Variants in BTBD6 observed in about 807,000 individuals in gnomAD.
BTBD6 encodes BTB/POZ domain-containing protein 6.
Under a neutral mutation model 40.6 loss-of-function variants are expected in BTBD6, and 30 were observed. The observed-to-expected ratio is 0.74, with a 90% CI of 0.55 to 1.00. The LOEUF is 1.00. Ranked by LOEUF, BTBD6 falls within the 50% of genes least tolerant of loss-of-function variation. The pLI is 0.00. For synonymous variants in BTBD6, 378 were observed against 308.7 expected, an observed-to-expected ratio of 1.22 and a Z score of -2.35; for missense variants, 698 against 694.6, an observed-to-expected ratio of 1.00 and a Z score of -0.06.
Position 105,250,170 on chromosome 14 carries a change from A to C in BTBD6, c.1115A>C (p.Asn372Thr). ...HSIFLWYTATNKPRLDFPLTK... is the reference protein window; with the variant it reads ...HSIFLWYTATTKPRLDFPLTK... ...ATCTTCCTGTGGTACACGGCCACCA[A>C]CAAGCCCCGCCTGGACTTTCCCCTG... The change falls in exon 4 of 4, where the codon AAC becomes ACC. Residue 372 changes from asparagine to threonine, a missense_variant. Physicochemically the swap from Asn to Thr is moderately conservative, Grantham distance 65. Coordinates refer to ENST00000392554, the MANE Select transcript of BTBD6 (RefSeq NM_001387567.1). 13 of 1,612,956 alleles carry C rather than the reference A, an allele frequency of 8.1e-6. No homozygotes were observed. The highest frequency in any genetic ancestry group is 1.7e-4 in the Middle Eastern group (1 of 6,056).
In BTBD6 at chr14:105,250,457, C is replaced by T. The variant is rs1202066535; in HGVS notation, c.1402C>T (p.Pro468Ser). The change falls in exon 4 of 4, where the codon CCG (proline) becomes TCG (serine). Residue 468 changes from proline (P) to serine (S), a missense_variant. Physicochemically the swap from Pro to Ser is moderately conservative, Grantham distance 74. Coordinates refer to ENST00000392554, the MANE Select transcript of BTBD6 (RefSeq NM_001387567.1). ...GTCAGACGGATCCAGTAACACCTTC[C>T]CGGTCTGGTTTGAACACCCGGTCCA... ...FMSDGSSNTF[P>S]VWFEHPVQVE... 4.3e-6 allele frequency: 7 copies of T among 1,613,902 alleles called. No homozygotes were observed. The Admixed American group carries it at 1.2e-4, about 27-fold the overall frequency.
In BTBD6 at chr14:105,248,888, C is replaced by T. The variant is rs2055357130; in HGVS notation, c.177C>T (p.Tyr59=). 2.0e-6 allele frequency: 2 copies of T among 988,078 alleles called. No individual in the cohort carries two copies. The highest frequency in any genetic ancestry group is 1.8e-5 in the African/African-American group (1 of 56,560). The allele number at this position is 988,078 out of a possible 1,614,324, so 61.2% of individuals were successfully genotyped here. Residue 59 remains tyrosine (Y), a synonymous_variant, in exon 1 of 4, where the codon TAC becomes TAT. Transcript: ENST00000392554. ...APPAKMAAEL[Y]APASAAAADL... ...CCGCGAAGATGGCGGCGGAACTCTA[C>T]GCTCCCGCCAGCGCCGCGGCCGCGG...
In BTBD6 at chr14:105,250,870, G is replaced by C. The variant is rs2055566853; in HGVS notation, c.*198G>C. The C allele has an allele frequency of 1.6e-6, 1 of 628,230 alleles. No homozygotes were observed. Among genetic ancestry groups the C allele is most frequent in the East Asian group, 2.8e-5 (1 of 35,272 alleles). 38.9% of individuals were successfully genotyped at this position (628,230 alleles called of 1,614,324 possible). On this transcript the variant is annotated 3_prime_UTR_variant, in exon 4 of 4. Transcript: ENST00000392554. ...GAGTCTTAGGCATCTCTGGTACAGT[G>C]GGGTGCACGTCTCAGGTGGAGGAAG...
In BTBD6 at chr14:105,250,737, T is replaced by G. The variant is rs1237436798; in HGVS notation, c.*65T>G. ...AGGGGAAGTCAAGATGCTAACTGCT[T>G]CTTGACACCATGAAAGGCTGCTCTT... is the stretch of plus-strand genomic sequence containing the variant. On this transcript the variant is annotated 3_prime_UTR_variant, in exon 4 of 4. Coordinates refer to ENST00000392554, the MANE Select transcript of BTBD6 (RefSeq NM_001387567.1). The G allele has an allele frequency of 2.7e-6, 4 of 1,478,656 alleles. No homozygotes were observed. The highest frequency in any genetic ancestry group is 2.8e-5 in the African/African-American group (2 of 71,460). 91.6% of individuals were successfully genotyped at this position (1,478,656 alleles called of 1,614,324 possible).
rs755566101 is a variant in BTBD6, at chr14:105,249,410, C to G, written c.516C>G (p.Asp172Glu). ...SSVFYAMFYGDLAEVKSEIHI... is the reference protein window; with the variant it reads ...SSVFYAMFYGELAEVKSEIHI... Reference sequence around the variant, plus strand: ...TCTTCTATGCCATGTTCTACGGAGACCTGGCGGAAGTCAAATCTGAAATTC... The same window carrying G: ...TCTTCTATGCCATGTTCTACGGAGAGCTGGCGGAAGTCAAATCTGAAATTC... Residue 172 changes from aspartate (D) to glutamate (E), a missense_variant, in exon 3 of 4, where the codon GAC (aspartate) becomes GAG (glutamate). Physicochemically the swap from Asp to Glu is conservative, Grantham distance 45 (BLOSUM62 2). Transcript: ENST00000392554. The G allele has an allele frequency of 1.2e-6, 2 of 1,613,564 alleles. No homozygotes were observed. The highest frequency in any genetic ancestry group is 2.2e-5 in the South Asian group (2 of 91,056).
chr14:105,249,503 A>G, intron 3 of BTBD6, 25 bp downstream of exon 3: 2 of 1,455,194 alleles, frequency 1.4e-6, no homozygotes, highest in Non-Finnish European at 1.9e-6. Flanking sequence ...CTGGGGAGGG[A>G]CGGGTGGGTC....
At position 105,249,026 on chromosome 14, in the gene BTBD6, CGG is replaced by C; in HGVS notation, c.316_317del (p.Gly106GlnfsTer73). 2.5e-6 allele frequency: 3 copies of C among 1,176,680 alleles called. No individual in the cohort carries two copies. The highest frequency in any genetic ancestry group is 3.1e-6 in the Non-Finnish European group (3 of 955,248). 72.9% of individuals were successfully genotyped at this position (1,176,680 alleles called of 1,614,324 possible). A position where few individuals can be genotyped will look rare whatever the true frequency, so the allele number is the denominator to read the frequency against. The part of the protein sequence containing the change: ...PPPAPAPPTL[G>X]NNHQESPGWR... ...CGCCCGCGCCCGCGCCGCCCACACT[CGG>C]CAACAACCACCAGGAGAGCCCCGGC... On this transcript the variant is annotated frameshift_variant, in exon 1 of 4. Coordinates refer to ENST00000392554, the MANE Select transcript of BTBD6 (RefSeq NM_001387567.1). LOFTEE classifies it high-confidence loss of function.
Position 105,248,987 on chromosome 14 carries a change from G to A in BTBD6, c.276G>A (p.Ala92=), listed in dbSNP as rs2055369154. 1 of 988,314 alleles carries A rather than the reference G, an allele frequency of 1.0e-6. No individual in the cohort carries two copies. The highest frequency in any genetic ancestry group is 1.2e-6 in the Non-Finnish European group (1 of 833,872). The allele number at this position is 988,314 out of a possible 1,614,324, so 61.2% of individuals were successfully genotyped here. ...CGCGCAGCCCGCCCAGCGCCCCCGC[G>A]CCAGCGCCGCCGCCGCCCGCGCCCG... ...AGPRSPPSAP[A]PAPPPPAPAP... The change falls in exon 1 of 4, where the codon GCG becomes GCA. Residue 92 remains alanine, a synonymous_variant. Coordinates refer to ENST00000392554, the MANE Select transcript of BTBD6 (RefSeq NM_001387567.1).
At position 105,249,650 on chromosome 14, in the gene BTBD6, A is replaced by C. The variant is rs765958760; in HGVS notation, c.595A>C (p.Ser199Arg). 3.7e-6 allele frequency: 6 copies of C among 1,611,884 alleles called. No individual in the cohort carries two copies. The East Asian group carries it at 1.3e-4, about 36-fold the overall frequency. ...AFLILLKYMY[S>R]DEIDLEADTV... The stretch of plus-strand genomic sequence containing the variant: ...CCCTGCCTCGCCTAGGTACATGTAC[A>C]GTGATGAGATCGATCTGGAAGCCGA... The change falls in exon 4 of 4, where the codon AGT becomes CGT. Residue 199 changes from serine (S) to arginine (R), a missense_variant. Coordinates refer to ENST00000392554, the MANE Select transcript of BTBD6 (RefSeq NM_001387567.1).
At chr14:105,249,298 C>A in intron 2 of BTBD6, 51 bp downstream of exon 2, 1 of 1,579,002 alleles carries the variant, frequency 6.3e-7, no homozygotes, top group East Asian at 2.3e-5. Flanking sequence ...GCCCCGTCCG[C>A]CGTGTGGCTG....
At position 105,250,577 on chromosome 14, in the gene BTBD6, G is replaced by A; in HGVS notation, c.1522G>A (p.Gly508Arg). Residue 508 changes from glycine (G) to arginine (R), a missense_variant, in exon 4 of 4, where the codon GGA (glycine) becomes AGA (arginine). Transcript: ENST00000392554. ...GGAGGGGATGACGGAAGTGCAGTGT[G>A]GAAAGGTGGCCTTCCAGTTCCAGTG... ...GQEGMTEVQC[G>R]KVAFQFQCSS... is the part of the protein sequence containing the mutation. The A allele has an allele frequency of 6.2e-7, 1 of 1,614,122 alleles. No homozygotes were observed. Among genetic ancestry groups the A allele is most frequent in the East Asian group, 2.2e-5 (1 of 44,890 alleles).
In BTBD6 at chr14:105,250,862, G is replaced by A; in HGVS notation, c.*190G>A. The A allele has an allele frequency of 6.2e-6, 4 of 642,158 alleles. No homozygotes were observed. Among genetic ancestry groups the A allele is most frequent in the South Asian group, 6.1e-5 (3 of 49,566 alleles). The allele number at this position is 642,158 out of a possible 1,614,324, so 39.8% of individuals were successfully genotyped here. On this transcript the variant is annotated 3_prime_UTR_variant, in exon 4 of 4. Transcript: ENST00000392554. Reference sequence around the variant, plus strand: ...AGGGATTGGAGTCTTAGGCATCTCTGGTACAGTGGGGTGCACGTCTCAGGT... The same window carrying A: ...AGGGATTGGAGTCTTAGGCATCTCTAGTACAGTGGGGTGCACGTCTCAGGT...
rs752728636 is a variant in BTBD6 at position 105,249,823 on chromosome 14, G to A, written c.768G>A (p.Leu256=). 1 of 1,613,566 alleles carries A rather than the reference G, an allele frequency of 6.2e-7. No homozygotes were observed. Among genetic ancestry groups the A allele is most frequent in the Non-Finnish European group, 8.5e-7 (1 of 1,180,044 alleles). ...SQSRLFEEPE[L]TQRCWEVIDA... ...GCCGGCTGTTTGAGGAGCCCGAGCT[G>A]ACGCAGCGCTGCTGGGAGGTCATTG... The change falls in exon 4 of 4, where the codon CTG becomes CTA. Residue 256 remains leucine, a synonymous_variant. Coordinates refer to ENST00000392554, the MANE Select transcript of BTBD6 (RefSeq NM_001387567.1).
chr14:105,248,886 T>C lies in BTBD6; in HGVS notation c.175T>C (p.Tyr59His). ...GCCCGCGAAGATGGCGGCGGAACTC[T>C]ACGCTCCCGCCAGCGCCGCGGCCGC... ...APPAKMAAEL[Y>H]APASAAAADL... Residue 59 changes from tyrosine to histidine, a missense_variant, in exon 1 of 4, where the codon TAC (tyrosine) becomes CAC (histidine). Coordinates refer to ENST00000392554, the MANE Select transcript of BTBD6 (RefSeq NM_001387567.1). 2.0e-6 allele frequency: 2 copies of C among 985,788 alleles called. No homozygotes were observed. Among genetic ancestry groups the C allele is most frequent in the Non-Finnish European group, 2.4e-6 (2 of 832,492 alleles). The allele number at this position is 985,788 out of a possible 1,614,324, so 61.1% of individuals were successfully genotyped here.
chr14:105,249,296 C>T (rs1226382054), intron 2 of BTBD6, 49 bp downstream of exon 2: 1 of 1,575,790 alleles, frequency 6.3e-7, no homozygotes, highest in Non-Finnish European at 8.6e-7. Context: ...CCGCCCCGTC[C>T]GCCGTGTGGC....
chr14:105,248,865 G>C lies in BTBD6; in HGVS notation c.154G>C (p.Ala52Pro). The change falls in exon 1 of 4, where the codon GCG becomes CCG. Residue 52 changes from alanine (A) to proline (P), a missense_variant. Transcript: ENST00000392554. ...GAEAAPAAPPAKMAAELYAPA... is the reference protein window; with the variant it reads ...GAEAAPAAPPPKMAAELYAPA... Reference sequence around the variant, plus strand: ...CGAGGCTGCCCCCGCCGCCCCGCCCGCGAAGATGGCGGCGGAACTCTACGC... The same window carrying C: ...CGAGGCTGCCCCCGCCGCCCCGCCCCCGAAGATGGCGGCGGAACTCTACGC... The C allele has an allele frequency of 1.0e-6, 1 of 989,922 alleles. No homozygotes were observed. Among genetic ancestry groups the C allele is most frequent in the African/African-American group, 1.8e-5 (1 of 56,874 alleles). The allele number at this position is 989,922 out of a possible 1,614,324, so 61.3% of individuals were successfully genotyped here. A position where few individuals can be genotyped will look rare whatever the true frequency, so the allele number is the denominator to read the frequency against.
Position 105,248,569 on chromosome 14 carries a change from T to TCGTACGGGCTCGGG in BTBD6, c.-141_-140insTACGGGCTCGGGCG. 1 of 542,156 alleles carries TCGTACGGGCTCGGG rather than the reference T, an allele frequency of 1.8e-6. No individual in the cohort carries two copies. Among genetic ancestry groups the TCGTACGGGCTCGGG allele is most frequent in the African/African-American group, 3.2e-5 (1 of 31,558 alleles). The allele number at this position is 542,156 out of a possible 1,614,324, so 33.6% of individuals were successfully genotyped here. ...CACCGGCGCCGCGGCGGGTACGGGCTCGGGCGGGCGGGCGGGCGGGACGGC... is the reference window on the plus strand; with the variant it reads ...CACCGGCGCCGCGGCGGGTACGGGCTCGTACGGGCTCGGGCGGGCGGGCGGGCGGGCGGGACGGC... On this transcript the variant is annotated 5_prime_UTR_variant, in exon 1 of 4. Coordinates refer to ENST00000392554, the MANE Select transcript of BTBD6 (RefSeq NM_001387567.1).
In BTBD6 at chr14:105,250,403, G is replaced by C; in HGVS notation, c.1348G>C (p.Val450Leu). The C allele has an allele frequency of 6.2e-7, 1 of 1,613,884 alleles. No individual in the cohort carries two copies. Among genetic ancestry groups the C allele is most frequent in the African/African-American group, 1.3e-5 (1 of 75,064 alleles). The part of the protein sequence containing the change: ...VKIELKRLGV[V>L]LAQNLTKFMS... ...GATTGAGCTCAAGCGGCTCGGGGTG[G>C]TTCTGGCTCAGAACTTGACCAAGTT... Residue 450 changes from valine to leucine, a missense_variant, in exon 4 of 4, where the codon GTT (valine) becomes CTT (leucine). Coordinates refer to ENST00000392554, the MANE Select transcript of BTBD6 (RefSeq NM_001387567.1).
intron 1 of BTBD6, 24 bp downstream of exon 1, chr14:105,249,109 C>T: frequency 6.7e-7 from 1 of 1,500,652 alleles, no homozygotes; most frequent in Non-Finnish European, 8.8e-7. Context: ...CCGCGGCCCC[C>T]GCGCCCGCGC....
Sources: allele counts gnomAD v4.1 joint callset, GRCh38; gene constraint gnomAD v4.1.1; transcripts MANE v1.5; gene names NCBI Gene and HGNC (gene_info 2026-07-23, HGNC 2026-07-21).